The following PCLO variants were observed in gnomAD, a reference collection of about 807,000 sequenced individuals.
PCLO encodes the protein piccolo presynaptic cytomatrix protein.
In PCLO, 82 loss-of-function variants were observed where a neutral mutation model predicts 427.5. The ratio of observed to expected loss-of-function variants is 0.19; its 90% confidence interval spans 0.16 to 0.23. PCLO has a LOEUF of 0.23. Ranked by LOEUF, PCLO falls within the 10% of genes least tolerant of loss-of-function variation. The pLI is 1.00. For missense variants in PCLO, 6,239 were observed against 6,115.9 expected (o/e 1.02, Z -0.67); for synonymous variants, 2,357 against 2,155.4 (o/e 1.09, Z -2.59).
intron 3 of PCLO, among the ~76,000 whole-genome samples, chr7:83,051,719 G>C (rs1217163245): frequency 6.6e-6 from 1 of 152,072 alleles, no homozygotes; most frequent in African/African-American, 2.4e-5. Flanking sequence ...AGTTTGTATG[G>C]AAAAGCAAAT....
At position 82,845,461 on chromosome 7, in the gene PCLO, A is replaced by G. The variant is rs748575825; in HGVS notation, c.13856T>C (p.Val4619Ala). 5.6e-6 allele frequency: 9 copies of G among 1,612,496 alleles called. No individual in the cohort carries two copies. The highest frequency in any genetic ancestry group is 7.6e-6 in the Non-Finnish European group (9 of 1,179,096). ...TTCTGCTGCCAACTGCTTAGGATCA[A>G]CCCCTGGGGATTTCGCCTTATCCAC... ...KAVDKAKSPG[V>A]DPKQLAAELQ... Residue 4619 changes from valine (V) to alanine (A), a missense_variant, in exon 13 of 25, where the codon GTT becomes GCT. By Grantham distance (64) the Val-to-Ala change is moderately conservative (BLOSUM62 0). This residue lies in a region of PCLO where 877 missense variants were observed against 925.5 expected (regional missense o/e 0.95). Coordinates refer to ENST00000333891, the MANE Select transcript of PCLO (RefSeq NM_033026.6).
chr7:82,940,728 T>C (rs1229491301), intron 6 of PCLO, among the ~76,000 whole-genome samples: 1 of 150,784 alleles, frequency 6.6e-6, no homozygotes, highest in South Asian at 2.1e-4. Context: ...ATCAGTTCTA[T>C]AATCTGCATT....
Position 82,955,519 on chromosome 7 carries a change from C to A in PCLO, c.5434G>T (p.Asp1812Tyr). ...SSSKKSKKDK[D>Y]ELRAQRRRER... ...CTTCTTCTCTGAGCTCGAAGTTCAT[C>A]TTTGTCTTTCTTTGATTTTTTACTA... is the stretch of plus-strand genomic sequence containing the variant. Residue 1812 changes from aspartate to tyrosine, a missense_variant, in exon 5 of 25, where the codon GAT (aspartate) becomes TAT (tyrosine). Transcript: ENST00000333891. 1.9e-6 allele frequency: 3 copies of A among 1,613,856 alleles called. No homozygotes were observed. Among genetic ancestry groups the A allele is most frequent in the African/African-American group, 1.3e-5 (1 of 74,994 alleles).
rs199796989 is a variant in PCLO, at chr7:83,048,566, C to A, written c.3301-82079G>T. On this transcript the variant is annotated intron_variant, in intron 3 of 24. Coordinates refer to ENST00000333891, the MANE Select transcript of PCLO (RefSeq NM_033026.6). ...GGCAATTACAATATTTTACTCTTTC[C>A]CCCCAACTCCACACTAATACTGCAG... 6.6e-5 allele frequency among the ~76,000 whole-genome samples: 10 copies of A among 152,184 alleles called. No homozygotes were observed. In the East Asian group the frequency reaches 1.7e-3, roughly 26 times the overall value.
chr7:82,803,993 C>G (rs915140176), intron 21 of PCLO, among the ~76,000 whole-genome samples: 1 of 152,132 alleles, frequency 6.6e-6, no homozygotes, highest in East Asian at 1.9e-4. Flanking sequence ...GACAAAATGA[C>G]ATATTTACTT....
intron 4 of PCLO, among the ~76,000 whole-genome samples, chr7:82,958,014 A>G (rs991324002): frequency 6.6e-6 from 1 of 152,218 alleles, no homozygotes. Context: ...TTAAAAATAT[A>G]TATGAGCAAA....
intron 20 of PCLO, among the ~76,000 whole-genome samples, chr7:82,815,620 A>C (rs527246799): frequency 3.1e-4 from 47 of 152,266 alleles, no homozygotes; most frequent in African/African-American, 1.1e-3. Flanking sequence ...TTTTAAGAAC[A>C]ATATGGTAGA....
rs1021933682 is a variant in PCLO, at chr7:82,856,379, G to C, written c.13655-9132C>G. ...GACCAACCTGTTAGAAGATTATCAT[G>C]ATAAGATTCGATTTCTAATCACCGT... On this transcript the variant is annotated intron_variant, in intron 10 of 24. Transcript: ENST00000333891. Among the ~76,000 whole-genome samples the C allele has an allele frequency of 9.2e-5, 14 of 152,270 alleles. 1 individual carries two copies. Among genetic ancestry groups the C allele is most frequent in the Admixed American group, 2.6e-4 (4 of 15,282 alleles).
At position 82,950,504 on chromosome 7, in the gene PCLO, C is replaced by G. The variant is rs966274404; in HGVS notation, c.10084G>C (p.Val3362Leu). 1 of 1,613,868 alleles carries G rather than the reference C, an allele frequency of 6.2e-7. No homozygotes were observed. The highest frequency in any genetic ancestry group is 1.7e-5 in the Admixed American group (1 of 60,008). Residue 3362 changes from valine (V) to leucine (L), a missense_variant, in exon 6 of 25, where the codon GTT becomes CTT. This residue lies in a region of PCLO where 4,677 missense variants were observed against 4,468.4 expected (regional missense o/e 1.05). Coordinates refer to ENST00000333891, the MANE Select transcript of PCLO (RefSeq NM_033026.6). Reference sequence around the variant, plus strand: ...CTTTGTGGTATTTCAATTGCCACAACAGCTGAAGCTGTGGTGGTTGCATCT... The same window carrying G: ...CTTTGTGGTATTTCAATTGCCACAAGAGCTGAAGCTGTGGTGGTTGCATCT... ...TEDATTTASA[V>L]VAIEIPQSQG...
chr7:82,809,511 C>T (rs1337739407), intron 20 of PCLO, among the ~76,000 whole-genome samples: 1 of 151,640 alleles, frequency 6.6e-6, no homozygotes, highest in East Asian at 1.9e-4. Context: ...CATACTCTGT[C>T]GTTATTGGAA....
In PCLO at chr7:83,134,809, T is replaced by A. The variant is rs2116615890; in HGVS notation, c.2741A>T (p.Asp914Val). Residue 914 changes from aspartate to valine, a missense_variant, in exon 3 of 25, where the codon GAT becomes GTT. By Grantham distance (152) the Asp-to-Val change is radical. This residue lies in a region of PCLO where 4,677 missense variants were observed against 4,468.4 expected (regional missense o/e 1.05). Coordinates refer to ENST00000333891, the MANE Select transcript of PCLO (RefSeq NM_033026.6). ...RFSLNLGSIT[D>V]APKSQPTTPQ... The stretch of plus-strand genomic sequence containing the variant: ...AGTTGTAGGCTGTGATTTGGGGGCA[T>A]CAGTAATACTTCCCAGATTCAGACT... The A allele has an allele frequency of 3.1e-6, 5 of 1,613,814 alleles. No homozygotes were observed. In the East Asian group the frequency reaches 1.1e-4, roughly 36 times the overall value.
intron 7 of PCLO, 138 bp from the exon 8 acceptor site, chr7:82,909,151 T>C: frequency 4.2e-6 from 3 of 719,484 alleles, no homozygotes; most frequent in Non-Finnish European, 2.1e-6. Context: ...CCCTTGGGAC[T>C]AGAAAAATTA....
intron 20 of PCLO, among the ~76,000 whole-genome samples, chr7:82,814,789 A>G (rs1029440207): frequency 1.3e-5 from 2 of 151,966 alleles, no homozygotes; most frequent in Non-Finnish European, 2.9e-5. Context: ...TAACATGTTA[A>G]TCTTCTCAAG....
chr7:82,908,936 C>A lies in PCLO; in HGVS notation c.13378G>T (p.Asp4460Tyr), dbSNP rs1043350967. The A allele has an allele frequency of 2.5e-6, 4 of 1,612,768 alleles. No homozygotes were observed. In the African/African-American group the frequency reaches 4.0e-5, roughly 16 times the overall value. The part of the protein sequence containing the change: ...ESRLENGHGL[D>Y]RKLPERLVHS... ...ACCAATCTTTCCGGCAGTTTTCGGT[C>A]CAGACCATGTCCATTTTCCAAACGA... The change falls in exon 8 of 25, where the codon GAC (aspartate) becomes TAC (tyrosine). Residue 4460 changes from aspartate to tyrosine, a missense_variant. Asp to Tyr is a radical substitution (Grantham distance 160). Coordinates refer to ENST00000333891, the MANE Select transcript of PCLO (RefSeq NM_033026.6).
Position 82,951,007 on chromosome 7 carries a change from A to G in PCLO, c.9581T>C (p.Val3194Ala), listed in dbSNP as rs1391421913. The G allele has an allele frequency of 1.2e-6, 2 of 1,613,712 alleles. No homozygotes were observed. Among genetic ancestry groups the G allele is most frequent in the Admixed American group, 3.3e-5 (2 of 60,002 alleles). Residue 3194 changes from valine (V) to alanine (A), a missense_variant, in exon 6 of 25, where the codon GTG becomes GCG. Val to Ala is a moderately conservative substitution (Grantham distance 64). This residue lies in a region of PCLO where 4,677 missense variants were observed against 4,468.4 expected (regional missense o/e 1.05). Coordinates refer to ENST00000333891, the MANE Select transcript of PCLO (RefSeq NM_033026.6). ...LTTASEVFPE[V>A]VGDESALLIV... ...TAAAAGAGCACTTTCATCTCCCACC[A>G]CTTCAGGAAACACTTCGGATGCTGT...
At chr7:82,919,294 T>C (rs1355184977) in intron 6 of PCLO, among the ~76,000 whole-genome samples, 1 of 151,334 alleles carries the variant, frequency 6.6e-6, no homozygotes, top group East Asian at 2.0e-4. Flanking sequence ...GGAATGAAAA[T>C]GGAGGAGTAC....
Position 82,999,634 on chromosome 7 carries a change from T to TA in PCLO, c.3301-33148_3301-33147insT, listed in dbSNP as rs551485172. Among the ~76,000 whole-genome samples the TA allele has an allele frequency of 1.6e-4, 7 of 43,196 alleles. 1 individual carries two copies. Among genetic ancestry groups the TA allele is most frequent in the African/African-American group, 8.2e-4 (6 of 7,278 alleles). The allele number at this position is 43,196 out of a possible 152,430, so 28.3% of individuals were successfully genotyped here. ...ATAAAATATAAAATATAATATTATATTAAAATATAAAATATAATATTATAT... is the reference window on the plus strand; with the variant it reads ...ATAAAATATAAAATATAATATTATATATAAAATATAAAATATAATATTATAT... On this transcript the variant is annotated intron_variant, in intron 3 of 24. Coordinates refer to ENST00000333891, the MANE Select transcript of PCLO (RefSeq NM_033026.6).
intron 3 of PCLO, among the ~76,000 whole-genome samples, chr7:83,133,256 A>G (rs1006896469): frequency 6.6e-6 from 1 of 152,040 alleles, no homozygotes; most frequent in African/African-American, 2.4e-5. Flanking sequence ...TTTTTTCATC[A>G]TAATGAATAA....
Position 82,908,859 on chromosome 7 carries a change from GC to G in PCLO, c.13437+17del. 1 of 1,603,730 alleles carries G rather than the reference GC, an allele frequency of 6.2e-7. No individual in the cohort carries two copies. The highest frequency in any genetic ancestry group is 8.5e-7 in the Non-Finnish European group (1 of 1,174,318). ...TTTTTTGATAAATCTAAAAGAAATT[GC>G]TAAATATAGCACTTACTTGCTCTTG... is the stretch of plus-strand genomic sequence containing the variant. On this transcript the variant is annotated intron_variant, in intron 8 of 24. Coordinates refer to ENST00000333891, the MANE Select transcript of PCLO (RefSeq NM_033026.6).
Sources: allele counts gnomAD v4.1 joint callset (sites outside exome capture counted in the v4.1 genomes callset), GRCh38; gene constraint gnomAD v4.1.1; regional missense constraint gnomAD v4.1.1; transcripts MANE v1.5; gene names NCBI Gene and HGNC (gene_info 2026-07-23, HGNC 2026-07-21).